CD200R1L: variants seen among roughly 807,000 people sequenced by gnomAD.
The protein encoded by CD200R1L is cell surface glycoprotein CD200 receptor 2.
CD200R1L carries 14 observed loss-of-function variants against 24.8 expected under a neutral mutation model. The observed-to-expected ratio is 0.56, with a 90% CI of 0.37 to 0.88. CD200R1L has a LOEUF of 0.88. Ranked by LOEUF, CD200R1L falls within the 40% of genes least tolerant of loss-of-function variation. CD200R1L has a pLI of 0.00. For synonymous variants in CD200R1L, 111 were observed against 109.2 expected (o/e 1.02, Z -0.11); for missense variants, 299 against 297.8 (o/e 1.00, Z -0.03).
intron 7 of CD200R1L, among the ~76,000 whole-genome samples, chr3:112,817,238 C>G (rs1938417828): frequency 6.6e-6 from 1 of 151,798 alleles, no homozygotes; most frequent in Admixed American, 6.6e-5. Context: ...ATATAATTTA[C>G]TAATTTAGTT....
At chr3:112,831,739 C>A (rs899000662) in intron 3 of CD200R1L, among the ~76,000 whole-genome samples, 1 of 152,168 alleles carries the variant, frequency 6.6e-6, no homozygotes, top group South Asian at 2.1e-4. Flanking sequence ...CAGATCCTTT[C>A]GTAGTGCCTT....
chr3:112,830,545 T>C (rs1576092283), intron 3 of CD200R1L, among the ~76,000 whole-genome samples: 1 of 147,958 alleles, frequency 6.8e-6, no homozygotes, highest in Non-Finnish European at 1.5e-5. Context: ...CTCTTTCCTG[T>C]AGGCTTTGAT....
At chr3:112,840,811 C>T (rs935933820) in intron 2 of CD200R1L, among the ~76,000 whole-genome samples, 2 of 152,152 alleles carry the variant, frequency 1.3e-5, no homozygotes, top group Admixed American at 6.5e-5. Context: ...GGTGTTAATA[C>T]ATGAACAATG....
intron 2 of CD200R1L, among the ~76,000 whole-genome samples, chr3:112,840,240 T>C (rs1437425228): frequency 6.6e-6 from 1 of 152,138 alleles, no homozygotes; most frequent in Non-Finnish European, 1.5e-5. Context: ...TGAGACTGGG[T>C]AATTTATAAA....
chr3:112,825,411 A>G (rs1305676545), intron 6 of CD200R1L, among the ~76,000 whole-genome samples: 2 of 148,752 alleles, frequency 1.3e-5, no homozygotes, highest in African/African-American at 4.9e-5. Flanking sequence ...TAAATATTAT[A>G]TAAAATTATA....
chr3:112,835,120 C>A (rs1483232343), intron 3 of CD200R1L, among the ~76,000 whole-genome samples: 2 of 152,152 alleles, frequency 1.3e-5, no homozygotes, highest in East Asian at 3.9e-4. Flanking sequence ...TTTGGCAGGT[C>A]CTGAGTTTTT....
chr3:112,833,118 T>C (rs1259293317), intron 3 of CD200R1L, among the ~76,000 whole-genome samples: 1 of 152,226 alleles, frequency 6.6e-6, no homozygotes. Context: ...GGACAAATTA[T>C]TTAACCTTAC....
intron 4 of CD200R1L, 126 bp downstream of exon 4, chr3:112,829,193 C>A: frequency 1.5e-6 from 1 of 684,220 alleles, no homozygotes; most frequent in Non-Finnish European, 2.6e-6. Context: ...CGTACCACAG[C>A]ACTCAGATCA....
intron 6 of CD200R1L, 114 bp downstream of exon 6, chr3:112,826,879 T>A: frequency 1.7e-6 from 2 of 1,207,804 alleles, no homozygotes; most frequent in Non-Finnish European, 2.3e-6. Context: ...TTTGAGAGAA[T>A]ATTTTCAAGC....
At chr3:112,842,198 G>A (rs1424739943) in intron 2 of CD200R1L, among the ~76,000 whole-genome samples, 2 of 152,202 alleles carry the variant, frequency 1.3e-5, no homozygotes, top group Admixed American at 1.3e-4. Flanking sequence ...ACCATGTTCT[G>A]GGAAAAGAAT....
At chr3:112,820,730 C>T (rs980007600) in intron 6 of CD200R1L, among the ~76,000 whole-genome samples, 1 of 151,850 alleles carries the variant, frequency 6.6e-6, no homozygotes, top group East Asian at 2.0e-4. Flanking sequence ...CATGCCCAGC[C>T]AGAAGCATAA....
intron 7 of CD200R1L, among the ~76,000 whole-genome samples, chr3:112,819,431 T>C (rs1938478716): frequency 1.3e-5 from 2 of 152,204 alleles, no homozygotes; most frequent in African/African-American, 4.8e-5. Flanking sequence ...TAAGCAGGAA[T>C]GAACACAAGC....
intron 6 of CD200R1L, 147 bp from the exon 7 acceptor site, chr3:112,820,042 G>T: frequency 1.5e-6 from 1 of 676,092 alleles, no homozygotes; most frequent in Admixed American, 3.8e-5. Context: ...TGACTCAAAT[G>T]TTACTAATAT....
chr3:112,835,582 C>A (rs1376757874), intron 3 of CD200R1L, among the ~76,000 whole-genome samples: 1 of 152,256 alleles, frequency 6.6e-6, no homozygotes, highest in African/African-American at 2.4e-5. Flanking sequence ...AGCACCAAGG[C>A]TTCAGGCCTT....
In CD200R1L at chr3:112,845,891, G is replaced by C; in HGVS notation, c.-299C>G. The C allele has an allele frequency of 3.4e-6, 2 of 593,846 alleles. No individual in the cohort carries two copies. The highest frequency in any genetic ancestry group is 6.0e-6 in the Non-Finnish European group (2 of 336,002). 36.8% of individuals were successfully genotyped at this position (593,846 alleles called of 1,614,324 possible). A position where few individuals can be genotyped will look rare whatever the true frequency, so the allele number is the denominator to read the frequency against. On this transcript the variant is annotated 5_prime_UTR_variant, in exon 2 of 8. Transcript: ENST00000488794. ...ATTATCTTGCTTATCTTTAATTTTTGCTGTCATTCTATATGTTTTTGACTG... is the reference window on the plus strand; with the variant it reads ...ATTATCTTGCTTATCTTTAATTTTTCCTGTCATTCTATATGTTTTTGACTG...
intron 2 of CD200R1L, among the ~76,000 whole-genome samples, chr3:112,843,547 A>G (rs563559226): frequency 6.6e-6 from 1 of 152,376 alleles, no homozygotes; most frequent in South Asian, 2.1e-4. Context: ...CAATCTTACC[A>G]GAGATCCTTA....
intron 3 of CD200R1L, among the ~76,000 whole-genome samples, chr3:112,834,332 T>C (rs1938881369): frequency 6.6e-6 from 1 of 150,512 alleles, no homozygotes; most frequent in South Asian, 2.1e-4. Flanking sequence ...CCACCTCCCT[T>C]CATTGTCATT....
At chr3:112,841,309 T>G (rs1225244246) in intron 2 of CD200R1L, 2 of 450,200 alleles carry the variant, frequency 4.4e-6, no homozygotes, top group Admixed American at 4.8e-5. Context: ...GATTGTAAGT[T>G]TTTTGAGGCC....
intron 2 of CD200R1L, among the ~76,000 whole-genome samples, chr3:112,841,706 G>T (rs1031443969): frequency 1.3e-5 from 2 of 152,164 alleles, no homozygotes; most frequent in African/African-American, 4.8e-5. Flanking sequence ...CTGAAATAGG[G>T]TGCACACAGC....
Sources: gnomAD v4.1 joint callset for allele counts (sites outside exome capture counted in the v4.1 genomes callset) on GRCh38, gnomAD v4.1.1 for gene constraint, MANE v1.5 for transcripts, NCBI Gene and HGNC (gene_info 2026-07-23, HGNC 2026-07-21) for gene names.